FILIP1L: variants seen among roughly 807,000 people sequenced by gnomAD.
FILIP1L encodes the protein filamin A-interacting protein 1-like.
FILIP1L carries 55 observed loss-of-function variants against 96.6 expected under a neutral mutation model. The observed-to-expected ratio is 0.57, with a 90% CI of 0.46 to 0.71. The LOEUF is 0.71. Among genes scored for constraint, FILIP1L ranks in the 30% least tolerant of loss-of-function variants. The pLI, the probability that FILIP1L is intolerant of heterozygous loss-of-function variation, is 0.00. For missense variants in FILIP1L, 1,304 were observed against 1,321.2 expected, an observed-to-expected ratio of 0.99 and a Z score of 0.20; for synonymous variants, 467 against 473.9, an observed-to-expected ratio of 0.99 and a Z score of 0.19.
intron 1 of FILIP1L, among the ~76,000 whole-genome samples, chr3:99,988,945 C>T (rs994570641): frequency 6.6e-5 from 10 of 152,126 alleles, no homozygotes; most frequent in Admixed American, 1.3e-4. Flanking sequence ...AATTTCTGTA[C>T]GGAATTATCA....
intron 1 of FILIP1L, among the ~76,000 whole-genome samples, chr3:99,959,482 A>G (rs1011422964): frequency 6.6e-6 from 1 of 152,168 alleles, no homozygotes; most frequent in Non-Finnish European, 1.5e-5. Flanking sequence ...TTTATTTTCT[A>G]TATAAATATT....
At chr3:99,935,135 C>T (rs1576584432) in intron 1 of FILIP1L, among the ~76,000 whole-genome samples, 1 of 152,006 alleles carries the variant, frequency 6.6e-6, no homozygotes. Context: ...TACTCTCATG[C>T]TTTGTATTAT....
chr3:99,881,242 A>T (rs895383346), intron 4 of FILIP1L, among the ~76,000 whole-genome samples: 9 of 152,206 alleles, frequency 5.9e-5, no homozygotes, highest in Non-Finnish European at 1.2e-4. Flanking sequence ...CCACTGTAAG[A>T]TTATTAAATG....
At chr3:99,834,100 C>T (rs1225117334) in intron 5 of FILIP1L, among the ~76,000 whole-genome samples, 3 of 152,198 alleles carry the variant, frequency 2.0e-5, no homozygotes, top group Non-Finnish European at 1.5e-5. Flanking sequence ...ATGAATCTGG[C>T]AGCTAGCCCA....
intron 1 of FILIP1L, among the ~76,000 whole-genome samples, chr3:100,043,522 G>T (rs779523895): frequency 2.6e-5 from 4 of 152,068 alleles, no homozygotes; most frequent in Non-Finnish European, 5.9e-5. Context: ...TGCTGTGGGA[G>T]ACAGGCTCCA....
intron 1 of FILIP1L, among the ~76,000 whole-genome samples, chr3:100,032,860 A>G (rs1250252827): frequency 1.3e-5 from 2 of 152,136 alleles, no homozygotes; most frequent in African/African-American, 4.8e-5. Context: ...AGCTGCTACT[A>G]TTTGCTGCCA....
At chr3:100,022,643 G>A (rs1013387935) in intron 1 of FILIP1L, among the ~76,000 whole-genome samples, 1 of 152,180 alleles carries the variant, frequency 6.6e-6, no homozygotes, top group African/African-American at 2.4e-5. Context: ...CAAGCACAGG[G>A]GAAAAGAAAG....
intron 1 of FILIP1L, among the ~76,000 whole-genome samples, chr3:99,969,878 T>C (rs1386627946): frequency 6.6e-6 from 1 of 152,176 alleles, no homozygotes; most frequent in Non-Finnish European, 1.5e-5. Context: ...GCCCTAGTCA[T>C]GAATAAGTGT....
chr3:99,954,764 T>G (rs1708271971), intron 1 of FILIP1L, among the ~76,000 whole-genome samples: 1 of 151,498 alleles, frequency 6.6e-6, no homozygotes, highest in Admixed American at 6.6e-5. Flanking sequence ...AGGTGGAGAT[T>G]GCAGTGAGCT....
chr3:99,993,523 G>C (rs1009413279), intron 1 of FILIP1L, among the ~76,000 whole-genome samples: 20 of 152,118 alleles, frequency 1.3e-4, no homozygotes, highest in African/African-American at 4.6e-4. Context: ...GTTGAATAGG[G>C]GTGGTAAAAG....
chr3:99,959,586 A>G (rs1017344609), intron 1 of FILIP1L, among the ~76,000 whole-genome samples: 3 of 152,236 alleles, frequency 2.0e-5, no homozygotes, highest in Non-Finnish European at 4.4e-5. Context: ...TTCCACGTGT[A>G]TAATTTCTTT....
intron 1 of FILIP1L, among the ~76,000 whole-genome samples, chr3:99,934,090 C>T (rs1576583692): frequency 6.6e-6 from 1 of 152,220 alleles, no homozygotes. Flanking sequence ...TCTCAACTTA[C>T]AAGAAGCTAG....
chr3:99,966,105 A>G (rs570166272), intron 1 of FILIP1L, among the ~76,000 whole-genome samples: 3 of 152,348 alleles, frequency 2.0e-5, no homozygotes, highest in East Asian at 1.9e-4. Flanking sequence ...ATTTACAGGG[A>G]TATCTCTCTC....
chr3:100,066,049 AG>A (rs1249581073), intron 1 of FILIP1L, among the ~76,000 whole-genome samples: 1 of 152,216 alleles, frequency 6.6e-6, no homozygotes, highest in Non-Finnish European at 1.5e-5. Context: ...AAAGTTTGAG[AG>A]CCACTGCTAT....
At chr3:99,947,573 A>G (rs549314596) in intron 1 of FILIP1L, among the ~76,000 whole-genome samples, 1 of 152,336 alleles carries the variant, frequency 6.6e-6, no homozygotes, top group Admixed American at 6.5e-5. Flanking sequence ...GTCCATGAGA[A>G]CTGTCCTCGG....
chr3:99,918,316 G>A (rs1406729157), intron 4 of FILIP1L, among the ~76,000 whole-genome samples: 6 of 152,088 alleles, frequency 3.9e-5, no homozygotes, highest in Admixed American at 2.0e-4. Context: ...TTGAGGAATG[G>A]AATTTGCCAA....
At position 99,929,914 on chromosome 3, in the gene FILIP1L, G is replaced by A. The variant is rs374477637; in HGVS notation, c.368C>T (p.Ala123Val). The change falls in exon 3 of 6, where the codon GCT becomes GTT. Residue 123 changes from alanine to valine, a missense_variant. Physicochemically the swap from Ala to Val is moderately conservative, Grantham distance 64. Coordinates refer to ENST00000477258, the MANE Select transcript of FILIP1L (RefSeq NM_001387850.1). The stretch of plus-strand genomic sequence containing the variant: ...CCAAGGGGTAGATTTCGCTTGAAAA[G>A]CATCTCTCTGGAGAGCCTCTAACAC... The part of the protein sequence containing the change: ...KKVLEALQRD[A>V]FQAKSTPWQE... 6 of 1,613,614 alleles carry A rather than the reference G, an allele frequency of 3.7e-6. No individual in the cohort carries two copies. Among genetic ancestry groups the A allele is most frequent in the Non-Finnish European group, 4.2e-6 (5 of 1,179,910 alleles).
chr3:99,930,922 A>G lies in FILIP1L; in HGVS notation c.99T>C (p.His33=), dbSNP rs376871388. The change falls in exon 2 of 6, where the codon CAT becomes CAC. Residue 33 remains histidine (H), a synonymous_variant. Transcript: ENST00000477258. Reference sequence around the variant, plus strand: ...TGGGGGAGTCTTTGTCTTGCTGTCTATGCTTCATGTTTTTAGGCCCTTGGA... The same window carrying G: ...TGGGGGAGTCTTTGTCTTGCTGTCTGTGCTTCATGTTTTTAGGCCCTTGGA... The part of the protein sequence containing the change: ...HSFQGPKNMK[H]RQQDKDSPSE... The G allele has an allele frequency of 4.1e-5, 66 of 1,613,434 alleles. No individual in the cohort carries two copies. Among genetic ancestry groups the G allele is most frequent in the Non-Finnish European group, 5.5e-5 (65 of 1,179,896 alleles).
chr3:99,920,025 A>G (rs984512784), intron 4 of FILIP1L, among the ~76,000 whole-genome samples: 1 of 152,222 alleles, frequency 6.6e-6, no homozygotes, highest in Non-Finnish European at 1.5e-5. Flanking sequence ...CTTCTGATTT[A>G]CAAAACTGAA....
Sources: gnomAD v4.1 joint callset for allele counts (sites outside exome capture counted in the v4.1 genomes callset) on GRCh38, gnomAD v4.1.1 for gene constraint, MANE v1.5 for transcripts, NCBI Gene and HGNC (gene_info 2026-07-23, HGNC 2026-07-21) for gene names.